FOXN3: variants seen among roughly 807,000 people sequenced by gnomAD.
The protein encoded by FOXN3 is forkhead box protein N3.
FOXN3 carries 7 observed loss-of-function variants against 38.4 expected under a neutral mutation model. The ratio of observed to expected loss-of-function variants is 0.18; its 90% CI spans 0.10 to 0.34. The LOEUF is 0.34. Ranked by LOEUF, FOXN3 falls within the 10% of genes least tolerant of loss-of-function variation. FOXN3 has a pLI of 1.00. For synonymous variants in FOXN3, 230 were observed against 242.2 expected, an observed-to-expected ratio of 0.95 and a Z score of 0.47; for missense variants, 456 against 613.4, an observed-to-expected ratio of 0.74 and a Z score of 2.71.
chr14:89,377,054 AGC>A (rs1890503213), intron 2 of FOXN3, among the ~76,000 whole-genome samples: 9 of 133,372 alleles, frequency 6.7e-5, no homozygotes, highest in Non-Finnish European at 9.5e-5. Flanking sequence ...AAAAAAAAAA[AGC>A]TTGAGCCTAC....
intron 1 of FOXN3, among the ~76,000 whole-genome samples, chr14:89,461,780 T>C (rs923185171): frequency 6.6e-6 from 1 of 151,882 alleles, no homozygotes; most frequent in Non-Finnish European, 1.5e-5. Context: ...CCTTGAAAGA[T>C]AGGTAGGATT....
chr14:89,430,691 G>C (rs371365462), intron 1 of FOXN3, among the ~76,000 whole-genome samples: 1 of 152,058 alleles, frequency 6.6e-6, no homozygotes, highest in African/African-American at 2.4e-5. Flanking sequence ...TTTTTAAAAG[G>C]CCCAAATAAG....
intron 1 of FOXN3, among the ~76,000 whole-genome samples, chr14:89,609,913 C>T (rs571158457): frequency 2.0e-5 from 3 of 151,994 alleles, no homozygotes; most frequent in Admixed American, 6.6e-5. Context: ...CGGCGGCTGG[C>T]GGTCCAAGTT....
chr14:89,609,127 A>C (rs1241784651), intron 1 of FOXN3, among the ~76,000 whole-genome samples: 5 of 152,196 alleles, frequency 3.3e-5, no homozygotes, highest in African/African-American at 7.2e-5. Flanking sequence ...CAGTTTAATA[A>C]GTGGGGCAAG....
intron 4 of FOXN3, among the ~76,000 whole-genome samples, chr14:89,198,375 G>A (rs903342010): frequency 2.0e-5 from 3 of 152,264 alleles, no homozygotes; most frequent in Non-Finnish European, 4.4e-5. Flanking sequence ...TCAGATTTTG[G>A]TATCTTAGGG....
intron 1 of FOXN3, among the ~76,000 whole-genome samples, chr14:89,557,590 G>A (rs1895153523): frequency 6.6e-6 from 1 of 152,176 alleles, no homozygotes; most frequent in Non-Finnish European, 1.5e-5. Context: ...CTTATTGGTG[G>A]GGCTTCAGCA....
intron 3 of FOXN3, among the ~76,000 whole-genome samples, chr14:89,297,926 A>G (rs117071961): frequency 0.058 from 8,898 of 152,306 alleles, 405 homozygotes; most frequent in Non-Finnish European, 0.081. Flanking sequence ...TCAAAGTTAC[A>G]GTGAGCTATA....
At chr14:89,339,256 G>C (rs935603651) in intron 3 of FOXN3, among the ~76,000 whole-genome samples, 1 of 152,164 alleles carries the variant, frequency 6.6e-6, no homozygotes, top group Non-Finnish European at 1.5e-5. Context: ...TTACAGGTGT[G>C]AGCCACCACG....
At chr14:89,190,386 C>G in intron 4 of FOXN3, 1 of 1,612,658 alleles carries the variant, frequency 6.2e-7, no homozygotes, top group Non-Finnish European at 8.5e-7. Context: ...CTACTCACAA[C>G]CTGCTTGTAT....
chr14:89,482,979 G>A (rs932247226), intron 1 of FOXN3, among the ~76,000 whole-genome samples: 8 of 151,834 alleles, frequency 5.3e-5, no homozygotes, highest in Non-Finnish European at 8.8e-5. Context: ...AGACCAAGGT[G>A]GATAGATCAC....
In FOXN3 at chr14:89,312,234, G is replaced by A. The variant is rs571926575; in HGVS notation, c.681-31220C>T. On this transcript the variant is annotated intron_variant, in intron 3 of 5. Coordinates refer to ENST00000557258, the MANE Select transcript of FOXN3 (RefSeq NM_005197.4). ...TGTGAGACAGAGATTGCAGTGAGCCGAGATTGCACTACTGTACTCCAGCCT... is the reference window on the plus strand; with the variant it reads ...TGTGAGACAGAGATTGCAGTGAGCCAAGATTGCACTACTGTACTCCAGCCT... Among the ~76,000 whole-genome samples, 3 of 133,586 alleles carry A rather than the reference G, an allele frequency of 2.2e-5. No individual in the cohort carries two copies. The East Asian group carries it at 7.1e-4, about 32-fold the overall frequency. 87.6% of individuals were successfully genotyped at this position (133,586 alleles called of 152,430 possible).
At chr14:89,190,123 G>A (rs1187951019) in intron 4 of FOXN3, among the ~76,000 whole-genome samples, 1 of 152,198 alleles carries the variant, frequency 6.6e-6, no homozygotes, top group Admixed American at 6.5e-5. Flanking sequence ...TAAAGGATCT[G>A]TTTCCCTTTC....
At chr14:89,501,602 T>A (rs1183919309) in intron 1 of FOXN3, among the ~76,000 whole-genome samples, 2 of 152,138 alleles carry the variant, frequency 1.3e-5, no homozygotes, top group Non-Finnish European at 1.5e-5. Context: ...TCCACATGCA[T>A]CCATCAGCCA....
intron 1 of FOXN3, among the ~76,000 whole-genome samples, chr14:89,566,385 CATTTAATT>C (rs2139887102): frequency 6.6e-6 from 1 of 152,222 alleles, no homozygotes; most frequent in African/African-American, 2.4e-5. Flanking sequence ...GCATTGTCAG[CATTTAATT>C]ATTATTTTAT....
At chr14:89,268,547 T>C (rs1886051943) in intron 4 of FOXN3, among the ~76,000 whole-genome samples, 1 of 152,194 alleles carries the variant, frequency 6.6e-6, no homozygotes, top group South Asian at 2.1e-4. Flanking sequence ...GATGAGCCCA[T>C]CAAATCCAGC....
chr14:89,300,972 C>T (rs574376571), intron 3 of FOXN3, among the ~76,000 whole-genome samples: 3 of 145,782 alleles, frequency 2.1e-5, no homozygotes, highest in Non-Finnish European at 4.6e-5. Flanking sequence ...AATTTTTTTG[C>T]TTTTTTTTTT....
At chr14:89,496,051 A>G (rs991899767) in intron 1 of FOXN3, among the ~76,000 whole-genome samples, 1 of 152,134 alleles carries the variant, frequency 6.6e-6, no homozygotes, top group African/African-American at 2.4e-5. Context: ...CGTCTCTACT[A>G]AAAATTCAAA....
intron 1 of FOXN3, among the ~76,000 whole-genome samples, chr14:89,610,189 T>C (rs1232458815): frequency 1.3e-5 from 2 of 152,176 alleles, no homozygotes; most frequent in African/African-American, 4.8e-5. Context: ...GCTGATGTCC[T>C]GGGCACATGG....
At chr14:89,262,207 A>C (rs1289649620) in intron 4 of FOXN3, among the ~76,000 whole-genome samples, 2 of 152,200 alleles carry the variant, frequency 1.3e-5, no homozygotes, top group African/African-American at 4.8e-5. Context: ...AGGTTTTACC[A>C]CCAGTTTGCC....
Sources: allele counts gnomAD v4.1 joint callset (sites outside exome capture counted in the v4.1 genomes callset), GRCh38; gene constraint gnomAD v4.1.1; transcripts MANE v1.5; gene names NCBI Gene and HGNC (gene_info 2026-07-23, HGNC 2026-07-21).